Variants in ZNF33A observed in about 807,000 individuals in gnomAD.
ZNF33A encodes brain my041 protein.
A neutral mutation model predicts 15.9 loss-of-function variants in ZNF33A; 9 were observed. The ratio of observed to expected loss-of-function variants is 0.57; its 90% confidence interval spans 0.34 to 0.99. ZNF33A has a LOEUF of 0.99. ZNF33A is among the 50% of genes least tolerant of loss of function. ZNF33A has a pLI of 0.02. For synonymous variants in ZNF33A, 294 were observed against 324.2 expected (o/e 0.91, Z 1.00); for missense variants, 843 against 941.6 (o/e 0.90, Z 1.37).
chr10:38,020,842 G>T (rs1256496325), intron 4 of ZNF33A, among the ~76,000 whole-genome samples: 1 of 152,166 alleles, frequency 6.6e-6, no homozygotes, highest in Non-Finnish European at 1.5e-5. Flanking sequence ...TTTCTTTTGG[G>T]CATATACCTA....
intron 4 of ZNF33A, among the ~76,000 whole-genome samples, chr10:38,021,140 A>G (rs1036633294): frequency 6.6e-6 from 1 of 152,228 alleles, no homozygotes; most frequent in African/African-American, 2.4e-5. Context: ...AGGTTGATAA[A>G]GTATATAAAA....
At chr10:38,026,300 C>T (rs1425591533) in intron 4 of ZNF33A, among the ~76,000 whole-genome samples, 1 of 147,266 alleles carries the variant, frequency 6.8e-6, no homozygotes. Flanking sequence ...TTTGGGGTAC[C>T]ACTGAATTAT....
intron 2 of ZNF33A, chr10:38,016,071 C>T: frequency 8.4e-7 from 1 of 1,188,506 alleles, no homozygotes; most frequent in Non-Finnish European, 1.1e-6. Context: ...GTTCCAAAAT[C>T]TTTCCATTTT....
chr10:38,055,829 T>C lies in ZNF33A; in HGVS notation c.1705T>C (p.Ser569Pro). The C allele has an allele frequency of 6.2e-7, 1 of 1,610,658 alleles. No homozygotes were observed. The highest frequency in any genetic ancestry group is 8.5e-7 in the Non-Finnish European group (1 of 1,178,778). Residue 569 changes from serine (S) to proline (P), a missense_variant, in exon 5 of 5, where the codon TCT (serine) becomes CCT (proline). Transcript: ENST00000432900. ...GKFFSHKSTL[S>P]QHYRTHTGEK... ...ATTCTTTAGCCATAAGTCAACCCTC[T>C]CTCAACATTATAGAACACACACAGG...
At chr10:38,052,597 C>T (rs553025270) in intron 4 of ZNF33A, among the ~76,000 whole-genome samples, 36 of 152,038 alleles carry the variant, frequency 2.4e-4, no homozygotes, top group African/African-American at 5.5e-4. Context: ...TAATTGAGTA[C>T]GTAATTCTAA....
At chr10:38,029,836 A>G (rs1391859710) in intron 4 of ZNF33A, among the ~76,000 whole-genome samples, 1 of 152,214 alleles carries the variant, frequency 6.6e-6, no homozygotes, top group Non-Finnish European at 1.5e-5. Flanking sequence ...ATAATGAAAA[A>G]TGAACAAAAC....
chr10:38,025,077 T>C (rs939371265), intron 4 of ZNF33A, among the ~76,000 whole-genome samples: 2 of 152,228 alleles, frequency 1.3e-5, no homozygotes, highest in African/African-American at 4.8e-5. Context: ...TTAAACTTTA[T>C]CATAGGTTTG....
chr10:38,019,942 G>T (rs1221028119), intron 4 of ZNF33A, among the ~76,000 whole-genome samples: 1 of 152,186 alleles, frequency 6.6e-6, no homozygotes, highest in African/African-American at 2.4e-5. Context: ...GGCCTAAGTG[G>T]AATGAAACTT....
chr10:38,012,911 C>A (rs1236536934), intron 2 of ZNF33A, among the ~76,000 whole-genome samples: 3 of 152,130 alleles, frequency 2.0e-5, no homozygotes, highest in Non-Finnish European at 4.4e-5. Context: ...CAGACTGACT[C>A]CTCTGAAGGC....
intron 4 of ZNF33A, among the ~76,000 whole-genome samples, chr10:38,042,415 C>T (rs60211584): frequency 0.12 from 18,700 of 151,832 alleles, 1,368 homozygotes; most frequent in East Asian, 0.29. Flanking sequence ...CTCCTGACCA[C>T]AGGTGATCTG....
At chr10:38,067,129 TATG>T (rs1240689216), downstream of ZNF33A, among the ~76,000 whole-genome samples, 9 of 152,252 alleles carry the variant, frequency 5.9e-5, no homozygotes, top group African/African-American at 1.9e-4. Flanking sequence ...AGCATGCAAA[TATG>T]ATTTAATTTT....
intron 4 of ZNF33A, among the ~76,000 whole-genome samples, chr10:38,028,283 T>A (rs1590546122): frequency 6.6e-6 from 1 of 151,494 alleles, no homozygotes; most frequent in Non-Finnish European, 1.5e-5. Context: ...AATAAATAAA[T>A]AAAATAAAAT....
intron 4 of ZNF33A, among the ~76,000 whole-genome samples, chr10:38,018,926 C>T (rs2064596908): frequency 6.6e-6 from 1 of 151,548 alleles, no homozygotes. Flanking sequence ...TTTTTGAAAA[C>T]CAAAGACAAA....
At chr10:38,054,350 T>C (rs1590699633) in intron 4 of ZNF33A, 25 bp from the exon 5 acceptor site, 1 of 1,503,480 alleles carries the variant, frequency 6.7e-7, no homozygotes, top group East Asian at 2.3e-5. Context: ...ATTTATGTGG[T>C]AAGATTAATT....
At position 38,056,060 on chromosome 10, in the gene ZNF33A, TTCTGCCA is replaced by T; in HGVS notation, c.1938_1944del (p.Phe646LeufsTer5). 6.2e-7 allele frequency: 1 copy of T among 1,614,106 alleles called. No individual in the cohort carries two copies. The highest frequency in any genetic ancestry group is 8.5e-7 in the Non-Finnish European group (1 of 1,180,008). ...TAAATGTAATGAGTGTGGAAAAGCTTTCTGCCATAAGTCAGCTCTAATTGTACATCAG... is the reference window on the plus strand; with the variant it reads ...TAAATGTAATGAGTGTGGAAAAGCTTTAAGTCAGCTCTAATTGTACATCAG... On this transcript the variant is annotated frameshift_variant, in exon 5 of 5. Coordinates refer to ENST00000432900, the MANE Select transcript of ZNF33A (RefSeq NM_006954.2). LOFTEE classifies it low-confidence loss of function (END_TRUNC).
chr10:38,056,576 C>G lies in ZNF33A; in HGVS notation c.*16C>G, dbSNP rs775054600. The G allele has an allele frequency of 6.5e-7, 1 of 1,538,984 alleles. No individual in the cohort carries two copies. The highest frequency in any genetic ancestry group is 1.3e-5 in the South Asian group (1 of 76,534). On this transcript the variant is annotated 3_prime_UTR_variant, in exon 5 of 5. Coordinates refer to ENST00000432900, the MANE Select transcript of ZNF33A (RefSeq NM_006954.2). ...TGTTCAGTAACTATCCACAAACTCACCTTATGTTACTCCAAAGTAATAGTA... is the reference window on the plus strand; with the variant it reads ...TGTTCAGTAACTATCCACAAACTCAGCTTATGTTACTCCAAAGTAATAGTA...
upstream of ZNF33A, chr10:38,010,624 C>T (rs776880134): frequency 3.8e-6 from 5 of 1,331,068 alleles, no homozygotes; most frequent in South Asian, 2.3e-5. Flanking sequence ...CCAACAGCAT[C>T]AAGCTGTGCG....
At chr10:38,065,671 G>A (rs1192405489), downstream of ZNF33A, among the ~76,000 whole-genome samples, 1 of 150,966 alleles carries the variant, frequency 6.6e-6, no homozygotes, top group Non-Finnish European at 1.5e-5. Context: ...TGGGCTGGTT[G>A]CCAGTGCACC....
rs759332418 is a variant in ZNF33A at position 38,028,530 on chromosome 10, C to T, written c.250+11144C>T. On this transcript the variant is annotated intron_variant, in intron 4 of 4. Coordinates refer to ENST00000432900, the MANE Select transcript of ZNF33A (RefSeq NM_006954.2). Reference sequence around the variant, plus strand: ...TTGCCCAGGCTGGGGTGCAGTGGTACGATCTTGGCTCACTGCAACCTCCTT... The same window carrying T: ...TTGCCCAGGCTGGGGTGCAGTGGTATGATCTTGGCTCACTGCAACCTCCTT... Among the ~76,000 whole-genome samples, 131 of 151,472 alleles carry T rather than the reference C, an allele frequency of 8.6e-4. No homozygotes were observed. In the Middle Eastern group the frequency reaches 0.01, roughly 12 times the overall value.
Sources: allele counts gnomAD v4.1 joint callset (sites outside exome capture counted in the v4.1 genomes callset), GRCh38; gene constraint gnomAD v4.1.1; transcripts MANE v1.5; gene names NCBI Gene and HGNC (gene_info 2026-07-23, HGNC 2026-07-21).